TEAD2: variants seen among roughly 807,000 people sequenced by gnomAD.
The protein encoded by TEAD2 is TEA domain transcription factor 2.
A neutral mutation model predicts 61.4 loss-of-function variants in TEAD2; 51 were observed. The ratio of observed to expected loss-of-function variants is 0.83; its 90% CI spans 0.66 to 1.05. TEAD2 has a LOEUF of 1.05. Among genes scored for constraint, TEAD2 ranks in the 50% least tolerant of loss-of-function variants. The pLI is 0.00. For missense variants in TEAD2, 509 were observed against 600.0 expected, an observed-to-expected ratio of 0.85 and a Z score of 1.58; for synonymous variants, 244 against 243.2, an observed-to-expected ratio of 1.00 and a Z score of -0.03.
At chr19:49,343,153 A>AAT in intron 11 of TEAD2, 78 bp downstream of exon 11, 2 of 1,487,100 alleles carry the variant, frequency 1.3e-6, no homozygotes, top group South Asian at 2.7e-5. Context: ...CATACTCCCA[A>AAT]ATGCCTGAGT....
At chr19:49,352,582 G>A (rs1040629168) in intron 7 of TEAD2, among the ~76,000 whole-genome samples, 1 of 152,162 alleles carries the variant, frequency 6.6e-6, no homozygotes, top group South Asian at 2.1e-4. Context: ...TGTTGCCCAG[G>A]CCGGACTGCA....
chr19:49,346,378 C>A (rs1431251691), intron 10 of TEAD2, among the ~76,000 whole-genome samples: 1 of 151,606 alleles, frequency 6.6e-6, no homozygotes, highest in Non-Finnish European at 1.5e-5. Context: ...AGGACTTGGA[C>A]GGGTGCGGTG....
rs769504578 is a variant in TEAD2 at position 49,359,430 on chromosome 19, G to A, written c.297+5C>T. On this transcript the variant is annotated splice_donor_5th_base_variant and intron_variant, in intron 3 of 12. Transcript: ENST00000593945. The surrounding 1 kb of genome is among the most constrained non-coding windows in gnomAD (Gnocchi z 4.1). ...AGACAGAAGCCCACAAGTCCATTCC[G>A]AGACCTGTTTTCGAGTTCGGGTCTT... 11 of 1,613,944 alleles carry A rather than the reference G, an allele frequency of 6.8e-6. No homozygotes were observed. The highest frequency in any genetic ancestry group is 6.7e-5 in the East Asian group (3 of 44,870).
chr19:49,350,759 A>AGTTT (rs1381420413), intron 8 of TEAD2, among the ~76,000 whole-genome samples: 1 of 152,168 alleles, frequency 6.6e-6, no homozygotes, highest in African/African-American at 2.4e-5. Context: ...ACACAAACCC[A>AGTTT]GTGTGTGGCT....
chr19:49,346,068 G>A (rs1971608000), intron 10 of TEAD2, among the ~76,000 whole-genome samples: 1 of 151,292 alleles, frequency 6.6e-6, no homozygotes, highest in South Asian at 2.1e-4. Flanking sequence ...GGGAGGCTGA[G>A]GCTGGAGAAT....
chr19:49,356,567 C>G (rs1213641253), intron 4 of TEAD2, among the ~76,000 whole-genome samples: 4 of 151,604 alleles, frequency 2.6e-5, no homozygotes, highest in African/African-American at 9.7e-5. Context: ...TTTCTGGGCA[C>G]AAAGAGTAGG....
In TEAD2 at chr19:49,360,059, G is replaced by C; in HGVS notation, c.17C>G (p.Ala6Gly). Reference protein sequence around the residue: MGEPRAGAALDDGSGW... With the variant: MGEPRGGAALDDGSGW... Reference sequence around the variant, plus strand: ...GCTGCCATCGTCCAGGGCGGCCCCAGCCCGGGGTTCCCCCATCTGGGCCTG... The same window carrying C: ...GCTGCCATCGTCCAGGGCGGCCCCACCCCGGGGTTCCCCCATCTGGGCCTG... Residue 6 changes from alanine to glycine, a missense_variant, in exon 2 of 13, where the codon GCT (alanine) becomes GGT (glycine). Coordinates refer to ENST00000593945, the MANE Select transcript of TEAD2 (RefSeq NM_001256660.2). 6.2e-7 allele frequency: 1 copy of C among 1,606,144 alleles called. No individual in the cohort carries two copies. The highest frequency in any genetic ancestry group is 8.5e-7 in the Non-Finnish European group (1 of 1,179,698).
At chr19:49,356,804 C>T (rs1600771957) in intron 4 of TEAD2, among the ~76,000 whole-genome samples, 1 of 152,112 alleles carries the variant, frequency 6.6e-6, no homozygotes, top group East Asian at 1.9e-4. Flanking sequence ...CCATCGCTCC[C>T]TGCCCAGGGT....
Position 49,357,325 on chromosome 19 carries a change from CA to C in TEAD2, c.298-12del, listed in dbSNP as rs759136978. On this transcript the variant is annotated splice_polypyrimidine_tract_variant and intron_variant, in intron 3 of 12. Transcript: ENST00000593945. ...GATGTGACTAGAAACCTGGAAGGAT[CA>C]ACGGAGAAGCAGATTCAGGCCACAG... The C allele has an allele frequency of 6.2e-7, 1 of 1,613,658 alleles. No homozygotes were observed. The highest frequency in any genetic ancestry group is 8.5e-7 in the Non-Finnish European group (1 of 1,179,874).
chr19:49,343,855 T>TTTGG (rs796254328), intron 10 of TEAD2, among the ~76,000 whole-genome samples: 5 of 113,510 alleles, frequency 4.4e-5, no homozygotes, highest in African/African-American at 1.7e-4. Flanking sequence ...TCTTTTTTTT[T>TTTGG]GGGGGGGGGG....
At chr19:49,352,073 G>A (rs1972060621) in intron 7 of TEAD2, among the ~76,000 whole-genome samples, 2 of 150,676 alleles carry the variant, frequency 1.3e-5, no homozygotes, top group Non-Finnish European at 3.0e-5. Context: ...GGAGGAAGAA[G>A]AGGCTGAGGG....
At position 49,357,267 on chromosome 19, in the gene TEAD2, G is replaced by C; in HGVS notation, c.345C>G (p.Ile115Met). The C allele has an allele frequency of 1.9e-6, 3 of 1,613,236 alleles. No homozygotes were observed. Among genetic ancestry groups the C allele is most frequent in the Non-Finnish European group, 1.7e-6 (2 of 1,179,876 alleles). Residue 115 changes from isoleucine to methionine, a missense_variant, in exon 4 of 13, where the codon ATC (isoleucine) becomes ATG (methionine). Ile to Met is a conservative substitution (Grantham distance 10). Coordinates refer to ENST00000593945, the MANE Select transcript of TEAD2 (RefSeq NM_001256660.2). The part of the protein sequence containing the change: ...QVLARRKSRE[I>M]QSKLKALNVD... ...TGGTCCCTACCTTCAACTTGGACTGGATTTCCCTTGATTTCCTTCGGGCCA... is the reference window on the plus strand; with the variant it reads ...TGGTCCCTACCTTCAACTTGGACTGCATTTCCCTTGATTTCCTTCGGGCCA...
intron 4 of TEAD2, 69 bp from the exon 5 acceptor site, chr19:49,356,039 C>T: frequency 2.6e-6 from 3 of 1,173,362 alleles, no homozygotes; most frequent in Non-Finnish European, 3.2e-6. Context: ...ACGGCCCGGA[C>T]TCCCCCACCT....
chr19:49,359,954 G>A lies in TEAD2; in HGVS notation c.122C>T (p.Ala41Val), dbSNP rs1173755141. 1.2e-6 allele frequency: 2 copies of A among 1,611,224 alleles called. No homozygotes were observed. The highest frequency in any genetic ancestry group is 2.2e-5 in the South Asian group (2 of 91,082). ...EGAGGDGGPD[A>V]EGVWSPDIEQ... Reference sequence around the variant, plus strand: ...AATGTCTGGGCTCCACACCCCCTCTGCATCCGGGCCCCCGTCACCCCCAGC... The same window carrying A: ...AATGTCTGGGCTCCACACCCCCTCTACATCCGGGCCCCCGTCACCCCCAGC... The change falls in exon 2 of 13, where the codon GCA becomes GTA. Residue 41 changes from alanine (A) to valine (V), a missense_variant. Physicochemically the swap from Ala to Val is moderately conservative, Grantham distance 64. Coordinates refer to ENST00000593945, the MANE Select transcript of TEAD2 (RefSeq NM_001256660.2). This position sits in a 1 kb window ranked among gnomAD's most constrained non-coding sequence, Gnocchi z 4.1.
chr19:49,346,786 C>G (rs979823533), intron 10 of TEAD2, among the ~76,000 whole-genome samples: 1 of 152,216 alleles, frequency 6.6e-6, no homozygotes, highest in African/African-American at 2.4e-5. Flanking sequence ...AAGCATCAGT[C>G]CCCTCTTTAG....
chr19:49,343,551 C>T (rs528655668), intron 10 of TEAD2, among the ~76,000 whole-genome samples, 153 bp from the exon 11 acceptor site: 1 of 152,184 alleles, frequency 6.6e-6, no homozygotes, highest in African/African-American at 2.4e-5. Context: ...ACCAGCCTGA[C>T]CAACATGGAG....
chr19:49,356,017 G>A (rs557400615), intron 4 of TEAD2, 47 bp from the exon 5 acceptor site: 8 of 1,245,274 alleles, frequency 6.4e-6, no homozygotes, highest in Admixed American at 3.9e-5. Context: ...AAGAAAACAT[G>A]ACTTAGGAAG....
rs1235787934 is a variant in TEAD2 at position 49,341,146 on chromosome 19, T to C, written c.*178A>G. ...TTTCCTCAGTCCCAGCCTGTTCAGC[T>C]CTCCAACCAAGTTTTGGGGGCCCCT... On this transcript the variant is annotated 3_prime_UTR_variant, in exon 13 of 13. Transcript: ENST00000593945. The surrounding 1 kb of genome is among the most constrained non-coding windows in gnomAD (Gnocchi z 4.2). The C allele has an allele frequency of 3.3e-6, 2 of 598,584 alleles. No homozygotes were observed. The highest frequency in any genetic ancestry group is 5.9e-6 in the Non-Finnish European group (2 of 337,136). 37.1% of individuals were successfully genotyped at this position (598,584 alleles called of 1,614,324 possible).
rs917948011 is a variant in TEAD2, at chr19:49,353,428, C to T, written c.539+1720G>A. Among the ~76,000 whole-genome samples, 10 of 152,144 alleles carry T rather than the reference C, an allele frequency of 6.6e-5. No individual in the cohort carries two copies. In the East Asian group the frequency reaches 1.9e-3, roughly 29 times the overall value. On this transcript the variant is annotated intron_variant, in intron 7 of 12. Coordinates refer to ENST00000593945, the MANE Select transcript of TEAD2 (RefSeq NM_001256660.2). ...ACTCCCATTCTTCACCTGGCTAAGT[C>T]CTACCCGGCCTTCAATGTTATCTTC...
Sources: allele counts gnomAD v4.1 joint callset (sites outside exome capture counted in the v4.1 genomes callset), GRCh38; gene constraint gnomAD v4.1.1; non-coding constraint Gnocchi (gnomAD v3.1); transcripts MANE v1.5; gene names NCBI Gene and HGNC (gene_info 2026-07-23, HGNC 2026-07-21).